The following HECTD2 variants were observed in gnomAD, a reference collection of about 807,000 sequenced individuals.
The protein encoded by HECTD2 is probable E3 ubiquitin-protein ligase HECTD2.
In HECTD2, 35 loss-of-function variants were observed where a neutral mutation model predicts 103.2. The observed-to-expected ratio is 0.34, with a 90% CI of 0.26 to 0.45. The LOEUF (loss-of-function observed/expected upper bound fraction) is 0.45. Among genes scored for constraint, HECTD2 ranks in the 20% least tolerant of loss-of-function variants. The pLI is 1.00. For missense variants in HECTD2, 596 were observed against 937.4 expected (o/e 0.64, Z 4.76); for synonymous variants, 281 against 329.9 (o/e 0.85, Z 1.61).
chr10:91,419,927 G>A (rs1307607045), intron 1 of HECTD2, among the ~76,000 whole-genome samples: 4 of 152,124 alleles, frequency 2.6e-5, no homozygotes, highest in Admixed American at 2.6e-4. Context: ...ATTTCAGAAG[G>A]TTTGTAAAGT....
chr10:91,459,623 A>T (rs1355778976), intron 2 of HECTD2, among the ~76,000 whole-genome samples: 1 of 152,116 alleles, frequency 6.6e-6, no homozygotes, highest in Admixed American at 6.6e-5. Context: ...ACAACATTTT[A>T]TAAGTGCAGA....
chr10:91,502,776 C>T (rs1846955856), intron 20 of HECTD2, among the ~76,000 whole-genome samples: 1 of 151,944 alleles, frequency 6.6e-6, no homozygotes, highest in South Asian at 2.1e-4. Context: ...GTAATCTGAG[C>T]AATCTGTTTT....
At chr10:91,429,156 T>A (rs1229155055) in intron 2 of HECTD2, among the ~76,000 whole-genome samples, 1 of 151,898 alleles carries the variant, frequency 6.6e-6, no homozygotes, top group African/African-American at 2.4e-5. Flanking sequence ...TTGTCTTTGG[T>A]TCTGTTTATA....
In HECTD2 at chr10:91,462,089, T is replaced by A; in HGVS notation, c.511-6T>A. 6.4e-7 allele frequency: 1 copy of A among 1,574,768 alleles called. No individual in the cohort carries two copies. Among genetic ancestry groups the A allele is most frequent in the Non-Finnish European group, 8.7e-7 (1 of 1,149,722 alleles). ...AATATACTTAATTCTTAAATTGAAT[T>A]TGCAGAAAGATGCCACTGCCTCATT... On this transcript the variant is annotated splice_polypyrimidine_tract_variant and splice_region_variant and intron_variant, in intron 4 of 20. Coordinates refer to ENST00000298068, the MANE Select transcript of HECTD2 (RefSeq NM_182765.6).
intron 3 of HECTD2, among the ~76,000 whole-genome samples, 168 bp downstream of exon 3, chr10:91,460,733 A>C (rs1845311886): frequency 6.6e-6 from 1 of 152,194 alleles, no homozygotes; most frequent in Non-Finnish European, 1.5e-5. Context: ...AAACAAATAT[A>C]TAAATAACAG....
chr10:91,413,757 T>C (rs1843012441), intron 1 of HECTD2, among the ~76,000 whole-genome samples: 1 of 152,162 alleles, frequency 6.6e-6, no homozygotes, highest in South Asian at 2.1e-4. Flanking sequence ...ACAGTAGAAA[T>C]CAGGCGTGGT....
intron 2 of HECTD2, among the ~76,000 whole-genome samples, chr10:91,443,367 G>A (rs1451034549): frequency 1.4e-5 from 2 of 144,434 alleles, no homozygotes; most frequent in African/African-American, 5.4e-5. Context: ...GTTTGCTGGA[G>A]GTCCACTCCA....
intron 2 of HECTD2, among the ~76,000 whole-genome samples, chr10:91,457,945 AAAG>A (rs1845177412): frequency 6.6e-6 from 1 of 151,890 alleles, no homozygotes; most frequent in Admixed American, 6.6e-5. Context: ...AAGAAGGCAA[AAAG>A]AAGAAAAAAG....
rs189457677 is a variant in HECTD2 at position 91,493,138 on chromosome 10, T to C, written c.1433-282T>C. Among the ~76,000 whole-genome samples the C allele has an allele frequency of 3.2e-4, 48 of 151,782 alleles. No individual in the cohort carries two copies. The East Asian group carries it at 8.1e-3, about 26-fold the overall frequency. ...TGAAACTATACTTTTTATAAAGTTATCTGATTCATTTAGTTTCTATCTTTT... is the reference window on the plus strand; with the variant it reads ...TGAAACTATACTTTTTATAAAGTTACCTGATTCATTTAGTTTCTATCTTTT... On this transcript the variant is annotated intron_variant, in intron 13 of 20. Transcript: ENST00000298068.
chr10:91,450,534 T>C (rs953103872), intron 2 of HECTD2, among the ~76,000 whole-genome samples: 1 of 152,172 alleles, frequency 6.6e-6, no homozygotes, highest in African/African-American at 2.4e-5. Context: ...TGGCATCTTA[T>C]TAAACTAAAG....
chr10:91,488,745 A>G (rs1303697461), intron 11 of HECTD2: 1 of 152,178 alleles, frequency 6.6e-6, no homozygotes, highest in Non-Finnish European at 1.5e-5. Flanking sequence ...GAGAAGGACA[A>G]AAGATTTGAG....
chr10:91,484,427 A>T, intron 8 of HECTD2, 80 bp from the exon 9 acceptor site: 1 of 1,506,006 alleles, frequency 6.6e-7, no homozygotes, highest in Admixed American at 1.9e-5. Context: ...GTGGCTTAGG[A>T]TGTAGTTTAA....
At chr10:91,470,000 C>A (rs1845668098) in intron 5 of HECTD2, among the ~76,000 whole-genome samples, 1 of 152,164 alleles carries the variant, frequency 6.6e-6, no homozygotes, top group South Asian at 2.1e-4. Context: ...GTATAGAGTT[C>A]AGTTCAACAA....
chr10:91,500,641 G>A, intron 19 of HECTD2, 24 bp downstream of exon 19: 1 of 1,075,896 alleles, frequency 9.3e-7, no homozygotes, highest in Non-Finnish European at 1.4e-6. Flanking sequence ...ACTTCTGATA[G>A]TGGGGGATGT....
At chr10:91,480,003 CTTG>C (rs1377501618) in intron 6 of HECTD2, among the ~76,000 whole-genome samples, 1 of 151,914 alleles carries the variant, frequency 6.6e-6, no homozygotes, top group Non-Finnish European at 1.5e-5. Context: ...GAAACTCTTG[CTTG>C]TTGTAAGAAA....
At position 91,501,335 on chromosome 10, in the gene HECTD2, G is replaced by A; in HGVS notation, c.2210+1G>A. 1 of 1,568,164 alleles carries A rather than the reference G, an allele frequency of 6.4e-7. No individual in the cohort carries two copies. Among genetic ancestry groups the A allele is most frequent in the Non-Finnish European group, 8.7e-7 (1 of 1,153,512 alleles). ...CAAAGAATGAAACTTCTACTAACTGGTAAATTTCTGGATCTAATTTTATTT... is the reference window on the plus strand; with the variant it reads ...CAAAGAATGAAACTTCTACTAACTGATAAATTTCTGGATCTAATTTTATTT... On this transcript the variant is annotated splice_donor_variant, in intron 20 of 20. Coordinates refer to ENST00000298068, the MANE Select transcript of HECTD2 (RefSeq NM_182765.6). LOFTEE classifies it high-confidence loss of function.
intron 2 of HECTD2, 127 bp downstream of exon 2, chr10:91,425,537 T>C (rs1157143096): frequency 8.5e-6 from 5 of 585,598 alleles, no homozygotes; most frequent in East Asian, 3.6e-5. Flanking sequence ...TGTATACGTA[T>C]TTACCAGAAG....
At chr10:91,486,376 A>G (rs969248819) in intron 10 of HECTD2, 1 of 152,200 alleles carries the variant, frequency 6.6e-6, no homozygotes, top group Non-Finnish European at 1.5e-5. Context: ...TGTTGTAGAT[A>G]CAACCACAAA....
At chr10:91,477,654 T>C (rs1438106337) in intron 5 of HECTD2, among the ~76,000 whole-genome samples, 1 of 152,212 alleles carries the variant, frequency 6.6e-6, no homozygotes, top group Admixed American at 6.5e-5. Context: ...AAGCATAATA[T>C]ATGTGTATTG....
Sources: gnomAD v4.1 joint callset for allele counts (sites outside exome capture counted in the v4.1 genomes callset) on GRCh38, gnomAD v4.1.1 for gene constraint, MANE v1.5 for transcripts, NCBI Gene and HGNC (gene_info 2026-07-23, HGNC 2026-07-21) for gene names.